Variants in FHIT observed in about 807,000 individuals in gnomAD.
FHIT encodes the protein bis(5'-adenosyl)-triphosphatase.
A neutral mutation model predicts 17.9 loss-of-function variants in FHIT; 19 were observed. The ratio of observed to expected loss-of-function variants is 1.06; its 90% confidence interval spans 0.74 to 1.56. The LOEUF is 1.56. FHIT is among the 40% of genes most tolerant of loss of function. FHIT has a pLI of 0.00. For missense variants in FHIT, 248 were observed against 189.2 expected (o/e 1.31, Z -1.82); for synonymous variants, 81 against 69.7 (o/e 1.16, Z -0.81).
At chr3:60,491,298 C>A (rs975362754) in intron 5 of FHIT, among the ~76,000 whole-genome samples, 6 of 152,020 alleles carry the variant, frequency 3.9e-5, no homozygotes, top group Admixed American at 2.6e-4. Context: ...CACACCCACT[C>A]CCTTACACAC....
At chr3:61,200,772 T>C (rs1209823130) in intron 1 of FHIT, 107 bp from the exon 2 acceptor site, 1 of 152,568 alleles carries the variant, frequency 6.6e-6, no homozygotes, top group Admixed American at 6.5e-5. Context: ...TATATGGTGC[T>C]AGCCAAATAA....
chr3:59,837,344 T>C (rs1173770961), intron 8 of FHIT, among the ~76,000 whole-genome samples: 2 of 152,206 alleles, frequency 1.3e-5, no homozygotes, highest in Non-Finnish European at 2.9e-5. Context: ...TCACATATCG[T>C]TCAAATCATT....
chr3:60,642,825 C>T (rs2039760037), intron 4 of FHIT, among the ~76,000 whole-genome samples: 1 of 152,106 alleles, frequency 6.6e-6, no homozygotes, highest in African/African-American at 2.4e-5. Context: ...TTTCTCTGCC[C>T]TTAATGTGCT....
chr3:60,848,284 AG>A (rs1703003309), intron 3 of FHIT, among the ~76,000 whole-genome samples: 1 of 152,152 alleles, frequency 6.6e-6, no homozygotes, highest in South Asian at 2.1e-4. Context: ...CTACATTTAC[AG>A]GGGTTTTCAT....
At chr3:60,544,722 A>C (rs889825019) in intron 4 of FHIT, among the ~76,000 whole-genome samples, 14 of 149,496 alleles carry the variant, frequency 9.4e-5, no homozygotes, top group Admixed American at 3.4e-4. Flanking sequence ...TCAGCCTCCC[A>C]AGTAGCTGGG....
intron 5 of FHIT, among the ~76,000 whole-genome samples, chr3:60,391,196 AC>A (rs1253487166): frequency 6.6e-5 from 3 of 45,142 alleles, no homozygotes; most frequent in African/African-American, 1.5e-4. Flanking sequence ...ACAAAACAAA[AC>A]AAAAAACAAA....
intron 3 of FHIT, among the ~76,000 whole-genome samples, chr3:61,020,775 T>G (rs1432750723): frequency 6.6e-6 from 1 of 152,138 alleles, no homozygotes; most frequent in Non-Finnish European, 1.5e-5. Flanking sequence ...CGGTGCGCTA[T>G]ATTCAGGAGA....
chr3:60,764,959 C>G (rs782258790), intron 4 of FHIT, among the ~76,000 whole-genome samples: 1 of 152,106 alleles, frequency 6.6e-6, no homozygotes, highest in East Asian at 1.9e-4. Flanking sequence ...TCCTAAGCTA[C>G]GCAAGCCATC....
chr3:60,143,321 C>T (rs1019928585), intron 5 of FHIT, among the ~76,000 whole-genome samples: 9 of 152,108 alleles, frequency 5.9e-5, no homozygotes, highest in Non-Finnish European at 1.3e-4. Context: ...TTCCTTAGGC[C>T]CTGATATATG....
chr3:60,106,948 A>G (rs555535483), intron 5 of FHIT, among the ~76,000 whole-genome samples: 1 of 152,158 alleles, frequency 6.6e-6, no homozygotes. Context: ...TAAGGAAACG[A>G]AACTTTTTTA....
Position 60,787,664 on chromosome 3 carries a change from C to A in FHIT, c.-18+34255G>T, listed in dbSNP as rs975633236. Among the ~76,000 whole-genome samples, 6 of 152,094 alleles carry A rather than the reference C, an allele frequency of 3.9e-5. No individual in the cohort carries two copies. In the East Asian group the frequency reaches 1.2e-3, roughly 29 times the overall value. On this transcript the variant is annotated intron_variant, in intron 4 of 9. Coordinates refer to ENST00000492590, the MANE Select transcript of FHIT (RefSeq NM_002012.4). ...GTGCATTCTGTGTTTGTGAATTTGCCCACTCAATAAAATGCATTTGTAACC... is the reference window on the plus strand; with the variant it reads ...GTGCATTCTGTGTTTGTGAATTTGCACACTCAATAAAATGCATTTGTAACC...
chr3:60,580,834 C>T (rs143269414), intron 4 of FHIT, among the ~76,000 whole-genome samples: 2 of 152,108 alleles, frequency 1.3e-5, no homozygotes, highest in African/African-American at 4.8e-5. Context: ...GATGGAGTGC[C>T]ATGATTGATG....
intron 3 of FHIT, among the ~76,000 whole-genome samples, chr3:60,870,542 C>A (rs1704369370): frequency 1.3e-5 from 2 of 152,096 alleles, no homozygotes; most frequent in Non-Finnish European, 2.9e-5. Context: ...GCAAGGCTAT[C>A]CTTATCATGA....
At chr3:60,541,723 G>C (rs1382587114) in intron 4 of FHIT, among the ~76,000 whole-genome samples, 7 of 152,174 alleles carry the variant, frequency 4.6e-5, no homozygotes, top group Admixed American at 4.6e-4. Context: ...AAAAAGAGCT[G>C]GCTTGATGTG....
chr3:61,233,245 TAC>T (rs145433582), intron 1 of FHIT, among the ~76,000 whole-genome samples: 14 of 150,872 alleles, frequency 9.3e-5, no homozygotes, highest in Non-Finnish European at 1.3e-4. Flanking sequence ...GAGATTTGTG[TAC>T]ACACACACAC....
intron 5 of FHIT, among the ~76,000 whole-genome samples, chr3:60,119,944 G>A (rs1705170959): frequency 1.3e-5 from 2 of 152,130 alleles, no homozygotes; most frequent in Admixed American, 1.3e-4. Flanking sequence ...AGGGTCCTGT[G>A]AAATCTGTCC....
At chr3:59,769,899 T>C (rs576610105) in intron 8 of FHIT, among the ~76,000 whole-genome samples, 10 of 152,354 alleles carry the variant, frequency 6.6e-5, no homozygotes, top group Middle Eastern at 3.4e-3. Context: ...AATCTGTTTT[T>C]ACTAATATAA....
At chr3:60,536,827 T>C (rs2107599194) in intron 5 of FHIT, 33 bp downstream of exon 5, 1 of 1,572,398 alleles carries the variant, frequency 6.4e-7, no homozygotes. Context: ...AAGACTTTTA[T>C]TTTCCCTCTC....
intron 3 of FHIT, among the ~76,000 whole-genome samples, chr3:60,964,737 C>A (rs1267468564): frequency 6.6e-6 from 1 of 152,152 alleles, no homozygotes; most frequent in Non-Finnish European, 1.5e-5. Context: ...AAATTCTTGT[C>A]TTTAAGAATG....
Sources: allele counts gnomAD v4.1 joint callset (sites outside exome capture counted in the v4.1 genomes callset), GRCh38; gene constraint gnomAD v4.1.1; transcripts MANE v1.5; gene names NCBI Gene and HGNC (gene_info 2026-07-23, HGNC 2026-07-21).